The following COLEC10 variants were observed in gnomAD, a reference collection of about 807,000 sequenced individuals.
COLEC10 encodes collectin subfamily member 10, also known as collectin-10.
In COLEC10, 22 loss-of-function variants were observed where a neutral mutation model predicts 28.4. That is an observed-to-expected ratio of 0.78 (90% CI 0.55 to 1.11). The LOEUF (loss-of-function observed/expected upper bound fraction) is 1.11. Among genes scored for constraint, COLEC10 ranks in the 50% least tolerant of loss-of-function variants. COLEC10 has a pLI of 0.00. For missense variants in COLEC10, 361 were observed against 344.1 expected (o/e 1.05, Z -0.39); for synonymous variants, 125 against 116.1 (o/e 1.08, Z -0.49).
chr8:119,043,774 C>T (rs747547423), intron 2 of COLEC10, among the ~76,000 whole-genome samples: 4 of 152,042 alleles, frequency 2.6e-5, no homozygotes, highest in Admixed American at 6.6e-5. Flanking sequence ...ATTCCAAGGC[C>T]GTGATGGAAG....
the COLEC10 span, among the ~76,000 whole-genome samples, chr8:118,964,528 T>C: frequency 6.6e-6 from 1 of 152,194 alleles, no homozygotes; most frequent in African/African-American, 2.4e-5. Context: ...TAGTCCACTT[T>C]AACAAAGAGT....
chr8:119,060,340 C>T (rs555629583), intron 2 of COLEC10, among the ~76,000 whole-genome samples: 5 of 152,210 alleles, frequency 3.3e-5, no homozygotes, highest in African/African-American at 9.6e-5. Flanking sequence ...GTTGATAATA[C>T]ACCAGAAATT....
At chr8:118,964,992 G>A in the COLEC10 span, among the ~76,000 whole-genome samples, 1 of 152,140 alleles carries the variant, frequency 6.6e-6, no homozygotes, top group Non-Finnish European at 1.5e-5. Context: ...AGTGCTGTAG[G>A]GAGGTCAAAG....
At chr8:119,090,313 C>T (rs1375733180) in intron 2 of COLEC10, among the ~76,000 whole-genome samples, 4 of 152,154 alleles carry the variant, frequency 2.6e-5, no homozygotes, top group Non-Finnish European at 4.4e-5. Context: ...GAAGTGTCTT[C>T]ACTCACAAAG....
chr8:119,008,950 C>T (rs1202186417), intron 1 of COLEC10, among the ~76,000 whole-genome samples: 1 of 150,830 alleles, frequency 6.6e-6, no homozygotes, highest in South Asian at 2.1e-4. Flanking sequence ...TCCTTTTTTT[C>T]CTGAGCATTA....
intron 2 of COLEC10, among the ~76,000 whole-genome samples, chr8:119,046,134 T>C (rs938116071): frequency 3.3e-5 from 5 of 152,230 alleles, no homozygotes; most frequent in Admixed American, 3.3e-4. Flanking sequence ...GGCTCATTAT[T>C]GGTTCTGAAG....
chr8:119,091,285 C>T (rs367997021), intron 3 of COLEC10, 65 bp downstream of exon 3: 11 of 1,202,866 alleles, frequency 9.1e-6, no homozygotes, highest in South Asian at 3.8e-5. Flanking sequence ...TACGATGGCT[C>T]ACACCAGTAA....
chr8:119,064,799 A>ATT (rs879273122), upstream of COLEC10, among the ~76,000 whole-genome samples: 2 of 146,472 alleles, frequency 1.4e-5, no homozygotes, highest in African/African-American at 5.0e-5. Context: ...TTTGTATTTG[A>ATT]TTTTTTTTTT....
At chr8:118,985,207 C>T in the COLEC10 span, among the ~76,000 whole-genome samples, 2 of 152,092 alleles carry the variant, frequency 1.3e-5, no homozygotes, top group African/African-American at 4.8e-5. Context: ...TTTGAAGCCA[C>T]CAAGTTCATG....
chr8:118,967,925 G>A, the COLEC10 span, among the ~76,000 whole-genome samples: 6 of 152,012 alleles, frequency 3.9e-5, no homozygotes, highest in African/African-American at 1.4e-4. Flanking sequence ...GATGGTGTTA[G>A]TTCCTGCAGC....
At chr8:119,102,305 A>ATTTTAATTTTT in intron 3 of COLEC10, 43 bp from the exon 4 acceptor site, 1 of 986,316 alleles carries the variant, frequency 1.0e-6, no homozygotes, top group Non-Finnish European at 1.3e-6. Context: ...TTCTTCTTTT[A>ATTTTAATTTTT]TTTTAATTTT....
At chr8:119,102,227 CCTCCCT>C in intron 3 of COLEC10, 115 bp from the exon 4 acceptor site, 2 of 264,692 alleles carry the variant, frequency 7.6e-6, no homozygotes, top group Non-Finnish European at 1.4e-5. Context: ...TCCCTCCCTC[CCTCCCT>C]CCCTCCCTCC....
At chr8:118,991,756 A>G (rs1327999449), upstream of COLEC10, among the ~76,000 whole-genome samples, 4 of 152,156 alleles carry the variant, frequency 2.6e-5, no homozygotes, top group Non-Finnish European at 5.9e-5. Context: ...TGCTGAAAGG[A>G]GAAAATTGAT....
the COLEC10 span, among the ~76,000 whole-genome samples, chr8:118,981,621 G>T: frequency 1.3e-5 from 2 of 151,798 alleles, no homozygotes. Flanking sequence ...TTCTTCAGGG[G>T]GCATTTCCAT....
intron 2 of COLEC10, among the ~76,000 whole-genome samples, chr8:119,051,286 C>T (rs772513062): frequency 2.0e-4 from 30 of 152,046 alleles, no homozygotes; most frequent in Non-Finnish European, 4.0e-4. Context: ...AACTAACTTC[C>T]TTTTTTAGTG....
At chr8:119,020,348 G>C (rs555838839) in intron 2 of COLEC10, among the ~76,000 whole-genome samples, 2 of 152,126 alleles carry the variant, frequency 1.3e-5, no homozygotes, top group Non-Finnish European at 2.9e-5. Flanking sequence ...ACCAGGTACT[G>C]TTTTAGGTGC....
chr8:119,081,702 C>T (rs1360551298), intron 1 of COLEC10, among the ~76,000 whole-genome samples: 2 of 152,102 alleles, frequency 1.3e-5, no homozygotes, highest in Admixed American at 1.3e-4. Context: ...ATTAAATGAG[C>T]CATTTATCAG....
At chr8:119,099,690 A>G (rs748064941) in intron 3 of COLEC10, among the ~76,000 whole-genome samples, 2 of 152,144 alleles carry the variant, frequency 1.3e-5, no homozygotes, top group Non-Finnish European at 1.5e-5. Context: ...AAAAAAGACC[A>G]CATAGCAATT....
intron 1 of COLEC10, among the ~76,000 whole-genome samples, chr8:118,997,059 G>A (rs993199176): frequency 6.6e-6 from 1 of 152,170 alleles, no homozygotes; most frequent in Non-Finnish European, 1.5e-5. Context: ...GAGATTTGAA[G>A]AAGACACACA....
Sources: gnomAD v4.1 joint callset for allele counts (sites outside exome capture counted in the v4.1 genomes callset) on GRCh38, gnomAD v4.1.1 for gene constraint, MANE v1.5 for transcripts, NCBI Gene and HGNC (gene_info 2026-07-23, HGNC 2026-07-21) for gene names.